ZNF532: variants seen among roughly 807,000 people sequenced by gnomAD.
The protein encoded by ZNF532 is zinc finger protein 532.
Under a neutral mutation model 89.3 loss-of-function variants are expected in ZNF532, and 22 were observed. The observed-to-expected ratio is 0.25, with a 90% confidence interval of 0.18 to 0.35. The LOEUF is 0.35. Ranked by LOEUF, ZNF532 falls within the 10% of genes least tolerant of loss-of-function variation. The pLI is 1.00. For synonymous variants in ZNF532, 606 were observed against 649.6 expected, an observed-to-expected ratio of 0.93 and a Z score of 1.02; for missense variants, 1,132 against 1,643.4, an observed-to-expected ratio of 0.69 and a Z score of 5.38.
chr18:58,878,560 C>T (rs1469692949), intron 2 of ZNF532, among the ~76,000 whole-genome samples: 1 of 152,158 alleles, frequency 6.6e-6, no homozygotes, highest in Admixed American at 6.5e-5. Flanking sequence ...ATAACTGCAG[C>T]CTGAAGTGGA....
chr18:58,909,477 AG>A (rs1160278804), intron 2 of ZNF532, among the ~76,000 whole-genome samples: 1 of 152,128 alleles, frequency 6.6e-6, no homozygotes, highest in African/African-American at 2.4e-5. Context: ...TGACCATGGG[AG>A]TTGCTGAGGT....
intron 2 of ZNF532, among the ~76,000 whole-genome samples, chr18:58,907,980 T>C (rs2060040179): frequency 6.6e-6 from 1 of 152,212 alleles, no homozygotes. Flanking sequence ...CAAATAGGTC[T>C]CCTGCCTGGT....
chr18:58,929,580 T>G (rs1464630399), intron 3 of ZNF532, among the ~76,000 whole-genome samples: 1 of 152,228 alleles, frequency 6.6e-6, no homozygotes, highest in Non-Finnish European at 1.5e-5. Flanking sequence ...TAGTTTATAT[T>G]TTAGTGTTAC....
intron 2 of ZNF532, among the ~76,000 whole-genome samples, chr18:58,889,707 A>C (rs375030179): frequency 6.6e-6 from 1 of 151,914 alleles, no homozygotes; most frequent in Non-Finnish European, 1.5e-5. Context: ...CAGGGGGTGG[A>C]GGTTGCGGTG....
Position 58,920,389 on chromosome 18 carries a change from C to T in ZNF532, c.2102C>T (p.Ser701Leu), listed in dbSNP as rs755823911. ...IVSPSSNTST[S>L]TSTLQSPVGA... ...TCTCCGTCAAGCAATACTTCCACTT[C>T]AACTTCCACTCTTCAGAGCCCTGTG... The change falls in exon 3 of 10, where the codon TCA becomes TTA. Residue 701 changes from serine to leucine, a missense_variant. Ser to Leu is a moderately radical substitution (Grantham distance 145). Coordinates refer to ENST00000591808, the MANE Select transcript of ZNF532 (RefSeq NM_001375912.1). 2 of 1,613,984 alleles carry T rather than the reference C, an allele frequency of 1.2e-6. No homozygotes were observed. The highest frequency in any genetic ancestry group is 2.2e-5 in the East Asian group (1 of 44,888).
In ZNF532 at chr18:58,884,328, C is replaced by G. The variant is rs146326523; in HGVS notation, c.-18+18749C>G. On this transcript the variant is annotated intron_variant, in intron 2 of 9. Transcript: ENST00000591808. ...CCTGGAAGGTGGAGGTTGCAGTGAG[C>G]CAAGATTGTACCACTGTACTCTAGC... 4.3e-4 allele frequency among the ~76,000 whole-genome samples: 65 copies of G among 152,356 alleles called. 1 individual carries two copies. The East Asian group carries it at 0.011, about 26-fold the overall frequency.
chr18:58,940,486 G>A (rs1568375493), intron 5 of ZNF532: 1 of 152,186 alleles, frequency 6.6e-6, no homozygotes, highest in East Asian at 1.9e-4. Context: ...CCTGCCTGCA[G>A]TAGGGGCAGC....
chr18:58,905,216 G>A (rs910497326), intron 2 of ZNF532, among the ~76,000 whole-genome samples: 8 of 152,130 alleles, frequency 5.3e-5, no homozygotes, highest in African/African-American at 1.9e-4. Flanking sequence ...CCTTGAGGCA[G>A]TTTACTGGTG....
chr18:58,953,945 C>CT (rs2064487395), intron 7 of ZNF532, 146 bp downstream of exon 7: 1 of 1,425,838 alleles, frequency 7.0e-7, no homozygotes, highest in African/African-American at 1.4e-5. Flanking sequence ...TGCCTCACTT[C>CT]TTTATCTGTG....
At chr18:58,917,045 G>T (rs2060650192) in intron 2 of ZNF532, among the ~76,000 whole-genome samples, 1 of 152,216 alleles carries the variant, frequency 6.6e-6, no homozygotes, top group Non-Finnish European at 1.5e-5. Flanking sequence ...TCCACTGAAA[G>T]TTGCCTGAAG....
At chr18:58,951,648 T>TG (rs1555746526) in intron 6 of ZNF532, among the ~76,000 whole-genome samples, 2 of 116,340 alleles carry the variant, frequency 1.7e-5, no homozygotes, top group Non-Finnish European at 3.3e-5. Context: ...GCCCTGTTGT[T>TG]TTTTTTTTTT....
intron 2 of ZNF532, chr18:58,916,841 T>C: frequency 1.8e-6 from 1 of 544,410 alleles, no homozygotes; most frequent in Non-Finnish European, 2.3e-6. Context: ...CCTGGAATAG[T>C]TACTTTTATT....
Position 58,951,809 on chromosome 18 carries a change from A to C in ZNF532, c.2869-1709A>C, listed in dbSNP as rs368541872. Among the ~76,000 whole-genome samples the C allele has an allele frequency of 3.5e-3, 525 of 151,912 alleles. 4 individuals are homozygous for C. Among genetic ancestry groups the C allele is most frequent in the African/African-American group, 0.012 (489 of 41,448 alleles). On this transcript the variant is annotated intron_variant, in intron 6 of 9. Transcript: ENST00000591808. ...GGACTACAGGCACCTGCCACCATGC[A>C]CGGCTAATTTTTTGTATTTTTAGTA...
rs556448005 is a variant in ZNF532, at chr18:58,874,169, T to G, written c.-18+8590T>G. Among the ~76,000 whole-genome samples the G allele has an allele frequency of 2.2e-4, 34 of 152,216 alleles. No individual in the cohort carries two copies. The South Asian group carries it at 6.9e-3, about 31-fold the overall frequency. On this transcript the variant is annotated intron_variant, in intron 2 of 9. Transcript: ENST00000591808. ...TGGCAAGTATATTTGTTTTTGACCA[T>G]GAAAACAGACTGTGTGTCTCCTCCT...
intron 7 of ZNF532, among the ~76,000 whole-genome samples, chr18:58,955,579 A>G (rs529314618): frequency 2.0e-5 from 3 of 152,316 alleles, no homozygotes; most frequent in East Asian, 1.9e-4. Context: ...TATTTGTACT[A>G]TTTGTTTGAG....
chr18:58,863,036 A>G (rs939502229), upstream of ZNF532: 3 of 152,244 alleles, frequency 2.0e-5, no homozygotes, highest in African/African-American at 7.2e-5. Context: ...GTCCGAAGAT[A>G]GCGTGCTCTC....
intron 9 of ZNF532, 106 bp from the exon 10 acceptor site, chr18:58,983,866 T>C: frequency 7.0e-7 from 1 of 1,426,126 alleles, no homozygotes; most frequent in South Asian, 1.4e-5. Flanking sequence ...TCCCAAAGCG[T>C]TCAGCACAAG....
chr18:58,970,403 T>C (rs974778526), intron 7 of ZNF532, among the ~76,000 whole-genome samples: 3 of 152,224 alleles, frequency 2.0e-5, no homozygotes, highest in Non-Finnish European at 4.4e-5. Flanking sequence ...GTCACCCATC[T>C]GTAGATGGAC....
At chr18:58,883,166 G>A (rs1291739577) in intron 2 of ZNF532, among the ~76,000 whole-genome samples, 1 of 152,208 alleles carries the variant, frequency 6.6e-6, no homozygotes, top group Admixed American at 6.5e-5. Flanking sequence ...ATATACTGAT[G>A]TAATTAATTC....
Sources: gnomAD v4.1 joint callset for allele counts (sites outside exome capture counted in the v4.1 genomes callset) on GRCh38, gnomAD v4.1.1 for gene constraint, MANE v1.5 for transcripts, NCBI Gene and HGNC (gene_info 2026-07-23, HGNC 2026-07-21) for gene names.